MEI1: variants seen among roughly 807,000 people sequenced by gnomAD.
MEI1 encodes the protein meiosis inhibitor protein 1.
MEI1 carries 103 observed loss-of-function variants against 146.2 expected under a neutral mutation model. The ratio of observed to expected loss-of-function variants is 0.70; its 90% CI spans 0.60 to 0.83. MEI1 has a LOEUF of 0.83. Among genes scored for constraint, MEI1 ranks in the 40% least tolerant of loss-of-function variants. The pLI is 0.00. For synonymous variants in MEI1, 652 were observed against 628.2 expected (o/e 1.04, Z -0.57); for missense variants, 1,529 against 1,533.0 (o/e 1.00, Z 0.04).
chr22:41,737,307 G>T (rs545425057), intron 11 of MEI1, among the ~76,000 whole-genome samples: 4 of 151,922 alleles, frequency 2.6e-5, no homozygotes, highest in Admixed American at 1.3e-4. Flanking sequence ...CGCGATCTCG[G>T]CTCACTGCAA....
intron 26 of MEI1, among the ~76,000 whole-genome samples, chr22:41,785,675 T>C (rs1439087499): frequency 6.6e-6 from 1 of 151,654 alleles, no homozygotes; most frequent in African/African-American, 2.4e-5. Flanking sequence ...GTGATTCTCC[T>C]GTCTCAGCCT....
chr22:41,756,535 G>A (rs1240129166), intron 17 of MEI1, among the ~76,000 whole-genome samples: 4 of 151,896 alleles, frequency 2.6e-5, no homozygotes, highest in East Asian at 1.9e-4. Context: ...GTGCAGTGGC[G>A]TGATCTCGGC....
chr22:41,736,262 T>C (rs2072356223), intron 11 of MEI1, among the ~76,000 whole-genome samples: 1 of 151,552 alleles, frequency 6.6e-6, no homozygotes, highest in Admixed American at 6.6e-5. Context: ...TTCTTTTTTT[T>C]TTTTTGAAAC....
chr22:41,798,227 A>G (rs568144031), intron 30 of MEI1, among the ~76,000 whole-genome samples: 87 of 148,984 alleles, frequency 5.8e-4, no homozygotes, highest in African/African-American at 2.0e-3. Flanking sequence ...GGCCAGGTGC[A>G]CACACACACA....
At chr22:41,780,888 C>T (rs946597817) in intron 22 of MEI1, among the ~76,000 whole-genome samples, 2 of 152,156 alleles carry the variant, frequency 1.3e-5, no homozygotes, top group East Asian at 1.9e-4. Context: ...GAGGCCTGAG[C>T]TGAATCTTGA....
At chr22:41,798,141 AC>A (rs1200713730) in intron 30 of MEI1, among the ~76,000 whole-genome samples, 2 of 149,690 alleles carry the variant, frequency 1.3e-5, no homozygotes, top group Non-Finnish European at 3.0e-5. Flanking sequence ...ACACACACAC[AC>A]ACACACACAC....
intron 9 of MEI1, among the ~76,000 whole-genome samples, chr22:41,731,114 C>T (rs576599834): frequency 3.5e-4 from 49 of 140,684 alleles, no homozygotes; most frequent in Non-Finnish European, 6.2e-4. Context: ...AGTACAATGG[C>T]GTGATCTCGG....
chr22:41,769,303 T>A (rs1452324360), intron 19 of MEI1, among the ~76,000 whole-genome samples: 1 of 152,082 alleles, frequency 6.6e-6, no homozygotes. Flanking sequence ...GCCAAGATAA[T>A]TCAATGGGGG....
chr22:41,724,650 G>A (rs1221077260), intron 7 of MEI1, among the ~76,000 whole-genome samples: 1 of 151,848 alleles, frequency 6.6e-6, no homozygotes, highest in East Asian at 1.9e-4. Context: ...CTGGGCGTGG[G>A]CGTGGTGGTA....
At chr22:41,779,591 T>G (rs1416450646) in intron 22 of MEI1, among the ~76,000 whole-genome samples, 1 of 152,230 alleles carries the variant, frequency 6.6e-6, no homozygotes, top group Non-Finnish European at 1.5e-5. Flanking sequence ...AGTACTTTCC[T>G]AAACTAGGGT....
intron 11 of MEI1, among the ~76,000 whole-genome samples, chr22:41,741,577 TCTCCAAAA>T (rs2147733121): frequency 6.6e-6 from 1 of 152,334 alleles, no homozygotes; most frequent in Admixed American, 6.5e-5. Context: ...AATGATTGAA[TCTCCAAAA>T]GTACTTTTCC....
intron 20 of MEI1, among the ~76,000 whole-genome samples, chr22:41,772,164 A>T (rs1211570198): frequency 6.6e-6 from 1 of 152,210 alleles, no homozygotes; most frequent in East Asian, 1.9e-4. Context: ...TTGTAGACAA[A>T]TGTAACACAG....
intron 20 of MEI1, chr22:41,774,428 A>C (rs6519289): frequency 0.83 from 126,963 of 152,222 alleles, 53,901 homozygotes; most frequent in African/African-American, 0.96. Flanking sequence ...TGACTCTGGG[A>C]TCTATGACCT....
At chr22:41,792,898 G>A (rs1358250793) in intron 26 of MEI1, among the ~76,000 whole-genome samples, 1 of 136,588 alleles carries the variant, frequency 7.3e-6, no homozygotes, top group Non-Finnish European at 1.6e-5. Flanking sequence ...ATACAATTTT[G>A]ATGAAAGATC....
At chr22:41,780,107 A>T (rs2075677389) in intron 22 of MEI1, among the ~76,000 whole-genome samples, 1 of 152,186 alleles carries the variant, frequency 6.6e-6, no homozygotes, top group Admixed American at 6.5e-5. Context: ...TGTCTGTGAG[A>T]TCAAGGCTGA....
chr22:41,762,550 A>AT lies in MEI1; in HGVS notation c.2121-607dup, dbSNP rs1167639969. On this transcript the variant is annotated intron_variant, in intron 18 of 30. Transcript: ENST00000401548. ...TCTACACAACCAGCTAATTTAACTG[A>AT]TTTTTTTTTTTTTTTTTGTAGAGAA... Among the ~76,000 whole-genome samples the AT allele has an allele frequency of 1.9e-3, 256 of 135,344 alleles. 2 individuals carry two copies. Among genetic ancestry groups the AT allele is most frequent in the Admixed American group, 4.9e-3 (61 of 12,486 alleles). 88.8% of individuals were successfully genotyped at this position (135,344 alleles called of 152,430 possible).
At chr22:41,774,700 C>T (rs1298389456) in intron 20 of MEI1, among the ~76,000 whole-genome samples, 1 of 152,158 alleles carries the variant, frequency 6.6e-6, no homozygotes, top group Non-Finnish European at 1.5e-5. Flanking sequence ...CCAGTTTTCT[C>T]ATTTGAAAAA....
intron 3 of MEI1, chr22:41,709,545 C>T (rs1027380390): frequency 7.3e-6 from 4 of 544,546 alleles, no homozygotes; most frequent in Admixed American, 4.4e-5. Flanking sequence ...CAGCGGCACA[C>T]GGGCTTTGGT....
chr22:41,777,224 C>T (rs1016459105), intron 21 of MEI1, among the ~76,000 whole-genome samples: 39 of 149,900 alleles, frequency 2.6e-4, no homozygotes, highest in Non-Finnish European at 5.0e-4. Flanking sequence ...GGCGTGATCT[C>T]GGCTCACTGC....
Sources: gnomAD v4.1 joint callset for allele counts (sites outside exome capture counted in the v4.1 genomes callset) on GRCh38, gnomAD v4.1.1 for gene constraint, MANE v1.5 for transcripts, NCBI Gene and HGNC (gene_info 2026-07-23, HGNC 2026-07-21) for gene names.